PCDH15: variants seen among roughly 807,000 people sequenced by gnomAD.
PCDH15 encodes the protein protocadherin related 15.
Under a neutral mutation model 178.5 loss-of-function variants are expected in PCDH15, and 129 were observed. The observed-to-expected ratio is 0.72, with a 90% CI of 0.63 to 0.84. The LOEUF (loss-of-function observed/expected upper bound fraction) is 0.84, where lower values mean the gene tolerates loss of function less well. PCDH15 is among the 40% of genes least tolerant of loss of function. The pLI is 0.00. For missense variants in PCDH15, 2,230 were observed against 2,099.9 expected (o/e 1.06, Z -1.21); for synonymous variants, 800 against 732.0 (o/e 1.09, Z -1.50).
intron 2 of PCDH15, among the ~76,000 whole-genome samples, chr10:54,551,717 T>G (rs2086638666): frequency 6.6e-6 from 1 of 152,060 alleles, no homozygotes; most frequent in Admixed American, 6.6e-5. Flanking sequence ...AATCAGATTT[T>G]TTAAAAGAAC....
intron 3 of PCDH15, among the ~76,000 whole-genome samples, chr10:54,490,880 C>T (rs938864954): frequency 2.6e-5 from 4 of 152,194 alleles, no homozygotes; most frequent in Admixed American, 2.6e-4. Flanking sequence ...ATCACCTTTC[C>T]TTAAGTCAGA....
chr10:54,092,394 C>A (rs1032480905), intron 15 of PCDH15, among the ~76,000 whole-genome samples: 2 of 152,144 alleles, frequency 1.3e-5, no homozygotes, highest in South Asian at 4.1e-4. Flanking sequence ...TTTTCCAGGC[C>A]AATTCTTTTA....
chr10:54,196,440 C>T (rs2133932297), intron 10 of PCDH15, among the ~76,000 whole-genome samples: 1 of 152,192 alleles, frequency 6.6e-6, no homozygotes, highest in African/African-American at 2.4e-5. Flanking sequence ...CCGCGCCCAG[C>T]CAAATTATTG....
intron 2 of PCDH15, among the ~76,000 whole-genome samples, chr10:54,945,752 A>G (rs1173912714): frequency 6.6e-6 from 1 of 151,724 alleles, no homozygotes; most frequent in Non-Finnish European, 1.5e-5. Flanking sequence ...TTAAGGCTCA[A>G]TCTTACCTCA....
chr10:53,874,689 TATA>T (rs2080098896), intron 26 of PCDH15, among the ~76,000 whole-genome samples: 1 of 152,040 alleles, frequency 6.6e-6, no homozygotes, highest in African/African-American at 2.4e-5. Flanking sequence ...GATGAAAAGT[TATA>T]ATAATTATCA....
At chr10:54,778,358 C>T (rs1462884270) in intron 1 of PCDH15, among the ~76,000 whole-genome samples, 1 of 152,054 alleles carries the variant, frequency 6.6e-6, no homozygotes, top group African/African-American at 2.4e-5. Flanking sequence ...ATGATGATTT[C>T]AGTAAATGTC....
At chr10:54,039,318 G>C (rs1442643147) in intron 18 of PCDH15, among the ~76,000 whole-genome samples, 1 of 151,898 alleles carries the variant, frequency 6.6e-6, no homozygotes, top group Non-Finnish European at 1.5e-5. Context: ...GAGATAGAAA[G>C]ATGAGCTGGA....
At chr10:54,607,072 TA>T (rs1380156533) in intron 2 of PCDH15, 1 of 152,130 alleles carries the variant, frequency 6.6e-6, no homozygotes, top group African/African-American at 2.4e-5. Context: ...TTTATTAACA[TA>T]AGTAATAAAG....
intron 26 of PCDH15, among the ~76,000 whole-genome samples, chr10:53,872,605 T>C (rs1215120093): frequency 6.6e-6 from 1 of 152,212 alleles, no homozygotes; most frequent in African/African-American, 2.4e-5. Context: ...TCCTGGTGAC[T>C]GAAGAGGGCG....
intron 2 of PCDH15, among the ~76,000 whole-genome samples, chr10:54,901,951 TA>T (rs1297856646): frequency 6.6e-6 from 1 of 150,884 alleles, no homozygotes; most frequent in Non-Finnish European, 1.5e-5. Flanking sequence ...CTTCTATATA[TA>T]TATTTATTAA....
At chr10:54,195,570 G>T in intron 11 of PCDH15, 113 bp downstream of exon 11, 1 of 904,642 alleles carries the variant, frequency 1.1e-6, no homozygotes, top group Non-Finnish European at 1.8e-6. Context: ...CTCACTTACA[G>T]TGACTTAATT....
At chr10:53,915,742 T>A (rs2083476571) in intron 25 of PCDH15, among the ~76,000 whole-genome samples, 1 of 152,116 alleles carries the variant, frequency 6.6e-6, no homozygotes, top group Admixed American at 6.6e-5. Context: ...GTATTTTTAG[T>A]AGAGACGGGG....
intron 25 of PCDH15, among the ~76,000 whole-genome samples, chr10:53,921,575 C>T (rs1476508734): frequency 6.6e-6 from 1 of 152,136 alleles, no homozygotes; most frequent in Non-Finnish European, 1.5e-5. Flanking sequence ...ATCAGATTCT[C>T]TCACCTTCAG....
At chr10:53,981,782 C>T (rs1244912702) in intron 21 of PCDH15, among the ~76,000 whole-genome samples, 1 of 151,368 alleles carries the variant, frequency 6.6e-6, no homozygotes, top group Non-Finnish European at 1.5e-5. Context: ...GTCTAAAACA[C>T]CAAAAGCAAT....
At chr10:54,134,326 A>ACAT in intron 14 of PCDH15, among the ~76,000 whole-genome samples, 1 of 88,738 alleles carries the variant, frequency 1.1e-5, no homozygotes, top group South Asian at 5.0e-4. Flanking sequence ...AACAGGTATG[A>ACAT]GCACCACACC....
intron 16 of PCDH15, among the ~76,000 whole-genome samples, chr10:54,086,638 GAAC>G (rs1276128500): frequency 6.6e-6 from 1 of 152,066 alleles, no homozygotes; most frequent in East Asian, 1.9e-4. Context: ...ATATCAATGA[GAAC>G]AACAGCATTG....
At chr10:54,795,679 A>G (rs1357695609) in intron 1 of PCDH15, among the ~76,000 whole-genome samples, 2 of 151,868 alleles carry the variant, frequency 1.3e-5, no homozygotes, top group African/African-American at 4.8e-5. Flanking sequence ...TTTAATTGAG[A>G]GCAAGACTAT....
In PCDH15 at chr10:53,866,666, T is replaced by C; in HGVS notation, c.3693A>G (p.Gly1231=). 6.2e-7 allele frequency: 1 copy of C among 1,613,658 alleles called. No individual in the cohort carries two copies. Among genetic ancestry groups the C allele is most frequent in the Non-Finnish European group, 8.5e-7 (1 of 1,179,680 alleles). ...QVIATDDYGK[G]LSGKADVLVS... The stretch of plus-strand genomic sequence containing the variant: ...CGAGTACATCGGCTTTGCCGCTCAG[T>C]CCCTTCCCATAGTCGTCAGTTGCAA... Residue 1231 remains glycine, a synonymous_variant, in exon 27 of 38, where the codon GGA becomes GGG. Coordinates refer to ENST00000644397, the MANE Select transcript of PCDH15 (RefSeq NM_001384140.1).
intron 2 of PCDH15, among the ~76,000 whole-genome samples, chr10:55,077,058 C>T (rs908296466): frequency 3.2e-4 from 49 of 151,874 alleles, no homozygotes; most frequent in African/African-American, 1.0e-3. Flanking sequence ...TGAACCACCA[C>T]GCCAGCCAAG....
Sources: gnomAD v4.1 joint callset for allele counts (sites outside exome capture counted in the v4.1 genomes callset) on GRCh38, gnomAD v4.1.1 for gene constraint, MANE v1.5 for transcripts, NCBI Gene and HGNC (gene_info 2026-07-23, HGNC 2026-07-21) for gene names.